ESRRG: variants seen among roughly 807,000 people sequenced by gnomAD.
ESRRG encodes estrogen related receptor gamma.
A neutral mutation model predicts 44.0 loss-of-function variants in ESRRG; 13 were observed. The observed-to-expected ratio is 0.30, with a 90% CI of 0.19 to 0.47. ESRRG has a LOEUF of 0.47. Among genes scored for constraint, ESRRG ranks in the 20% least tolerant of loss-of-function variants. The pLI is 1.00. For missense variants in ESRRG, 395 were observed against 580.6 expected (o/e 0.68, Z 3.29); for synonymous variants, 215 against 214.6 (o/e 1.00, Z -0.02).
At chr1:216,730,305 T>TAAAAAAAAAAAAAAAAAAAA (rs11445965) in intron 2 of ESRRG, among the ~76,000 whole-genome samples, 5 of 121,416 alleles carry the variant, frequency 4.1e-5, no homozygotes, top group Non-Finnish European at 6.8e-5. Flanking sequence ...CTTAGAAAGG[T>TAAAAAAAAAAAAAAAAAAAA]AAAAAAAAAA....
chr1:217,137,332 T>C (rs1233112562), intron 1 of ESRRG, among the ~76,000 whole-genome samples: 2 of 152,234 alleles, frequency 1.3e-5, no homozygotes, highest in Admixed American at 1.3e-4. Flanking sequence ...CAAAAGTTAC[T>C]CTGTCCCAGA....
At chr1:216,906,799 C>T (rs1224249119) in intron 2 of ESRRG, among the ~76,000 whole-genome samples, 1 of 152,144 alleles carries the variant, frequency 6.6e-6, no homozygotes, top group East Asian at 1.9e-4. Flanking sequence ...CTTTCTCTTT[C>T]TTAAAGAAGT....
At chr1:217,035,557 C>A (rs2082742628) in intron 1 of ESRRG, among the ~76,000 whole-genome samples, 1 of 151,844 alleles carries the variant, frequency 6.6e-6, no homozygotes, top group Non-Finnish European at 1.5e-5. Flanking sequence ...CCAAATGTGT[C>A]TGGCCACAGA....
chr1:216,833,407 C>T (rs17044062), intron 2 of ESRRG, among the ~76,000 whole-genome samples: 32,889 of 152,030 alleles, frequency 0.22, 4,096 homozygotes, highest in African/African-American at 0.32. Flanking sequence ...CTAGCATTAG[C>T]TACAATTTCC....
chr1:216,523,771 G>A (rs796408521), intron 5 of ESRRG, among the ~76,000 whole-genome samples: 4 of 151,366 alleles, frequency 2.6e-5, no homozygotes, highest in African/African-American at 9.7e-5. Context: ...AATCTTCAGG[G>A]CATCTGTTAA....
At chr1:216,587,359 C>T (rs899037659) in intron 3 of ESRRG, among the ~76,000 whole-genome samples, 5 of 152,126 alleles carry the variant, frequency 3.3e-5, no homozygotes, top group African/African-American at 1.2e-4. Context: ...GATAAAGAAG[C>T]ATTTGGACCT....
At chr1:216,868,134 C>A (rs2096201827) in intron 2 of ESRRG, among the ~76,000 whole-genome samples, 1 of 126,558 alleles carries the variant, frequency 7.9e-6, no homozygotes, top group Non-Finnish European at 1.6e-5. Context: ...ATTGCCCAGG[C>A]TGGAGTGGAA....
At chr1:217,119,017 A>G (rs1390860840) in intron 1 of ESRRG, among the ~76,000 whole-genome samples, 8 of 129,080 alleles carry the variant, frequency 6.2e-5, no homozygotes, top group African/African-American at 2.1e-4. Flanking sequence ...ATAGATAGAT[A>G]GATAGATAGA....
chr1:217,058,336 C>A (rs2087585469), intron 1 of ESRRG, among the ~76,000 whole-genome samples: 1 of 152,104 alleles, frequency 6.6e-6, no homozygotes, highest in African/African-American at 2.4e-5. Flanking sequence ...GTATGAAGGA[C>A]TCAAACAAAT....
chr1:217,054,675 G>A (rs1450680745), intron 1 of ESRRG, among the ~76,000 whole-genome samples: 3 of 152,072 alleles, frequency 2.0e-5, no homozygotes, highest in Admixed American at 2.0e-4. Context: ...AAACCTAAAT[G>A]TATGGCTACT....
chr1:216,750,178 G>A (rs1315267511), intron 2 of ESRRG, among the ~76,000 whole-genome samples: 2 of 152,072 alleles, frequency 1.3e-5, no homozygotes, highest in African/African-American at 2.4e-5. Flanking sequence ...CCTGGCCTGT[G>A]TTCTCAGGCA....
At chr1:217,002,255 T>C (rs2077121294) in intron 1 of ESRRG, among the ~76,000 whole-genome samples, 1 of 136,074 alleles carries the variant, frequency 7.3e-6, no homozygotes, top group Non-Finnish European at 1.5e-5. Context: ...TGAGCCGAGA[T>C]AGTGCCACTG....
At chr1:216,573,263 A>G (rs991956454) in intron 3 of ESRRG, among the ~76,000 whole-genome samples, 1 of 151,946 alleles carries the variant, frequency 6.6e-6, no homozygotes, top group Non-Finnish European at 1.5e-5. Context: ...TTATGCAAAG[A>G]ATATGTCAAA....
At chr1:216,747,123 CT>C (rs537973825) in intron 2 of ESRRG, among the ~76,000 whole-genome samples, 108 of 152,264 alleles carry the variant, frequency 7.1e-4, no homozygotes, top group African/African-American at 2.4e-3. Context: ...TTGCACACCC[CT>C]AATCTGATTT....
At chr1:216,853,590 A>C (rs1433044540) in intron 2 of ESRRG, among the ~76,000 whole-genome samples, 2 of 152,130 alleles carry the variant, frequency 1.3e-5, no homozygotes, top group Non-Finnish European at 2.9e-5. Flanking sequence ...CACAACATAC[A>C]GACTCACTAA....
intron 1 of ESRRG, among the ~76,000 whole-genome samples, chr1:217,085,970 TAACAAACTGAC>T (rs1388844658): frequency 6.6e-6 from 1 of 152,160 alleles, no homozygotes. Flanking sequence ...TTCACAGCTT[TAACAAACTGAC>T]AACAAAGTGA....
At chr1:216,951,679 C>T (rs894747193) in intron 1 of ESRRG, among the ~76,000 whole-genome samples, 2 of 150,192 alleles carry the variant, frequency 1.3e-5, no homozygotes, top group African/African-American at 4.9e-5. Context: ...GATTTAACTA[C>T]TATATAGCAT....
intron 2 of ESRRG, among the ~76,000 whole-genome samples, chr1:216,832,027 G>T (rs1461362273): frequency 6.6e-6 from 1 of 152,010 alleles, no homozygotes; most frequent in Admixed American, 6.6e-5. Flanking sequence ...GAGACTTCAG[G>T]GTGCCCACAG....
chr1:217,091,225 A>G (rs564049666), upstream of ESRRG, among the ~76,000 whole-genome samples: 7 of 152,318 alleles, frequency 4.6e-5, no homozygotes, highest in Admixed American at 4.6e-4. Context: ...ACCATCATGT[A>G]TTGGTGGAGT....
Sources: allele counts gnomAD v4.1 joint callset (sites outside exome capture counted in the v4.1 genomes callset), GRCh38; gene constraint gnomAD v4.1.1; transcripts MANE v1.5; gene names NCBI Gene and HGNC (gene_info 2026-07-23, HGNC 2026-07-21).